PPM1B: variants seen among roughly 807,000 people sequenced by gnomAD.
The protein encoded by PPM1B is protein phosphatase 1B.
PPM1B carries 22 observed loss-of-function variants against 43.0 expected under a neutral mutation model. The observed-to-expected ratio is 0.51, with a 90% CI of 0.37 to 0.73. The LOEUF (loss-of-function observed/expected upper bound fraction) is 0.73, where lower values mean the gene tolerates loss of function less well. PPM1B is among the 30% of genes least tolerant of loss of function. The probability of loss-of-function intolerance (pLI) is 0.00; values close to 1 mark genes in which losing one functional copy is unlikely to be tolerated. For missense variants in PPM1B, 632 were observed against 584.2 expected (o/e 1.08, Z -0.84); for synonymous variants, 217 against 197.9 (o/e 1.10, Z -0.81).
intron 5 of PPM1B, among the ~76,000 whole-genome samples, chr2:44,227,547 T>C (rs1187972541): frequency 1.3e-5 from 2 of 150,860 alleles, no homozygotes; most frequent in Non-Finnish European, 1.5e-5. Flanking sequence ...AGATGGAGTC[T>C]TGCTCTGTCG....
chr2:44,201,732 A>G lies in PPM1B; in HGVS notation c.533A>G (p.Glu178Gly), dbSNP rs1362852289. 1.2e-6 allele frequency: 2 copies of G among 1,614,110 alleles called. No homozygotes were observed. Among genetic ancestry groups the G allele is most frequent in the Non-Finnish European group, 1.7e-6 (2 of 1,180,032 alleles). Reference protein sequence around the residue: ...DHKPCNPREKERIQNAGGSVM... With the variant: ...DHKPCNPREKGRIQNAGGSVM... ...AAACCTTGCAATCCAAGGGAAAAGGAGCGAATCCAAAATGCAGGAGGCAGC... is the reference window on the plus strand; with the variant it reads ...AAACCTTGCAATCCAAGGGAAAAGGGGCGAATCCAAAATGCAGGAGGCAGC... The change falls in exon 2 of 6, where the codon GAG (glutamate) becomes GGG (glycine). Residue 178 changes from glutamate to glycine, a missense_variant. This residue lies in a region of PPM1B where 40 missense variants were observed against 80.8 expected (regional missense o/e 0.50). Transcript: ENST00000282412. This position sits in a 1 kb window ranked among gnomAD's most constrained non-coding sequence, Gnocchi z 5.4.
intron 2 of PPM1B, among the ~76,000 whole-genome samples, chr2:44,203,112 A>G (rs1394634164): frequency 6.6e-6 from 1 of 152,216 alleles, no homozygotes; most frequent in Non-Finnish European, 1.5e-5. Flanking sequence ...GGGTCTCTGG[A>G]AATGCCCAGA....
At chr2:44,234,824 AAT>A (rs1670568378), downstream of PPM1B, among the ~76,000 whole-genome samples, 1 of 152,262 alleles carries the variant, frequency 6.6e-6, no homozygotes, top group Admixed American at 6.5e-5. Flanking sequence ...ATTACATGTT[AAT>A]ATATAAACCA....
intron 1 of PPM1B, among the ~76,000 whole-genome samples, chr2:44,195,474 G>C (rs1182092283): frequency 6.6e-6 from 1 of 151,942 alleles, no homozygotes. Flanking sequence ...GCGTCCCAAA[G>C]TGCTTGGATT....
At chr2:44,198,472 TA>T (rs372793480) in intron 1 of PPM1B, among the ~76,000 whole-genome samples, 65 of 152,346 alleles carry the variant, frequency 4.3e-4, no homozygotes, top group African/African-American at 1.6e-3. Context: ...GAAGATTTTT[TA>T]TTAAAGGTTT....
chr2:44,190,725 A>G (rs1025711280), intron 1 of PPM1B, among the ~76,000 whole-genome samples: 3 of 152,224 alleles, frequency 2.0e-5, no homozygotes, highest in African/African-American at 7.2e-5. Flanking sequence ...TCTGTTCTAC[A>G]TATGTGTTTA....
Position 44,168,917 on chromosome 2 carries a change from G to T in PPM1B, c.-372G>T, listed in dbSNP as rs1294834534. ...GCTTCTGCTCAATGGCGGAAAAGCC[G>T]CCGGTGCTCTGACGGCCTCGTTCCC... On this transcript the variant is annotated 5_prime_UTR_variant, in exon 1 of 6. Coordinates refer to ENST00000282412, the MANE Select transcript of PPM1B (RefSeq NM_002706.6). 6.5e-6 allele frequency: 1 copy of T among 153,216 alleles called. No individual in the cohort carries two copies. Among genetic ancestry groups the T allele is most frequent in the East Asian group, 1.9e-4 (1 of 5,206 alleles). 9.5% of individuals were successfully genotyped at this position (153,216 alleles called of 1,614,324 possible).
At chr2:44,233,222 T>C (rs547232644), downstream of PPM1B, 19 of 907,978 alleles carry the variant, frequency 2.1e-5, no homozygotes, top group Admixed American at 1.9e-4. Flanking sequence ...TTTAATCATT[T>C]ATGTTATTTT....
chr2:44,172,756 A>C (rs1667406916), intron 1 of PPM1B, among the ~76,000 whole-genome samples: 3 of 152,062 alleles, frequency 2.0e-5, no homozygotes, highest in Admixed American at 1.3e-4. Context: ...CAAAAAATAA[A>C]GTTAGCTGGG....
At chr2:44,246,826 G>T (rs1316585357), downstream of PPM1B, among the ~76,000 whole-genome samples, 1 of 152,100 alleles carries the variant, frequency 6.6e-6, no homozygotes, top group Non-Finnish European at 1.5e-5. Flanking sequence ...TGTAACTGCT[G>T]ATTTCTTGGT....
chr2:44,193,508 T>A (rs773164927), intron 1 of PPM1B, among the ~76,000 whole-genome samples: 2 of 152,090 alleles, frequency 1.3e-5, no homozygotes, highest in Non-Finnish European at 2.9e-5. Context: ...GTCCTCCCGC[T>A]GTAGCTTCCC....
chr2:44,219,857 C>G (rs560809324), intron 5 of PPM1B, among the ~76,000 whole-genome samples: 1 of 151,478 alleles, frequency 6.6e-6, no homozygotes, highest in Non-Finnish European at 1.5e-5. Context: ...GCAGGAGAAT[C>G]GCTTGAACCC....
chr2:44,218,710 TAGA>T (rs897865877), intron 5 of PPM1B, 173 bp downstream of exon 5: 4 of 569,594 alleles, frequency 7.0e-6, no homozygotes, highest in Admixed American at 7.4e-5. Flanking sequence ...GAAATGAAGG[TAGA>T]GATAAAATTT....
intron 4 of PPM1B, 106 bp from the exon 5 acceptor site, chr2:44,218,374 G>A (rs1160200250): frequency 6.1e-6 from 5 of 826,102 alleles, no homozygotes; most frequent in Non-Finnish European, 9.9e-6. Context: ...CAAGTATAGA[G>A]TGTACCAGTT....
chr2:44,186,471 C>G (rs180980895), intron 1 of PPM1B, among the ~76,000 whole-genome samples: 179 of 152,282 alleles, frequency 1.2e-3, no homozygotes, highest in Admixed American at 4.1e-3. Context: ...TGGGCTCAAG[C>G]AATCCTCCCG....
chr2:44,232,990 C>G, downstream of PPM1B: 1 of 980,464 alleles, frequency 1.0e-6, no homozygotes, highest in Non-Finnish European at 1.2e-6. Flanking sequence ...AAATTTTATG[C>G]ATGTATCTAC....
Position 44,201,330 on chromosome 2 carries a change from TAGG to T in PPM1B, c.132_134del (p.Gly45del). On this transcript the variant is annotated inframe_deletion, in exon 2 of 6. Transcript: ENST00000282412. This position sits in a 1 kb window ranked among gnomAD's most constrained non-coding sequence, Gnocchi z 5.4. ...ATGGAAGATGCACACACAGCTGTTG[TAGG>T]TATTCCTCACGGCTTGGAAGACTGG... 1 of 1,614,176 alleles carries T rather than the reference TAGG, an allele frequency of 6.2e-7. No homozygotes were observed. Among genetic ancestry groups the T allele is most frequent in the Non-Finnish European group, 8.5e-7 (1 of 1,180,026 alleles).
chr2:44,190,155 ATT>A (rs35252924), intron 1 of PPM1B, among the ~76,000 whole-genome samples: 1,873 of 112,008 alleles, frequency 0.017, 26 homozygotes, highest in African/African-American at 0.051. Flanking sequence ...AGTTTATTTG[ATT>A]TTTTTTTTTT....
At chr2:44,241,026 G>A (rs1670733688) in intron 5 of PPM1B, among the ~76,000 whole-genome samples, 3 of 138,188 alleles carry the variant, frequency 2.2e-5, no homozygotes, top group Non-Finnish European at 3.2e-5. Context: ...TTTTTGAGAC[G>A]GAGTTTCACT....
Sources: gnomAD v4.1 joint callset for allele counts (sites outside exome capture counted in the v4.1 genomes callset) on GRCh38, gnomAD v4.1.1 for gene constraint, gnomAD v4.1.1 regional missense constraint, Gnocchi (gnomAD v3.1) non-coding constraint, MANE v1.5 for transcripts, NCBI Gene and HGNC (gene_info 2026-07-23, HGNC 2026-07-21) for gene names.